PDE4B: variants seen among roughly 807,000 people sequenced by gnomAD.
PDE4B encodes the protein phosphodiesterase 4B.
A neutral mutation model predicts 82.2 loss-of-function variants in PDE4B; 20 were observed. The ratio of observed to expected loss-of-function variants is 0.24; its 90% confidence interval spans 0.17 to 0.35. The LOEUF (loss-of-function observed/expected upper bound fraction) is 0.35. PDE4B is among the 10% of genes least tolerant of loss of function. The pLI is 1.00. For synonymous variants in PDE4B, 320 were observed against 318.9 expected, an observed-to-expected ratio of 1.00 and a Z score of -0.04; for missense variants, 655 against 907.2, an observed-to-expected ratio of 0.72 and a Z score of 3.57.
At chr1:66,259,775 A>C (rs530567615) in intron 6 of PDE4B, among the ~76,000 whole-genome samples, 13 of 152,348 alleles carry the variant, frequency 8.5e-5, no homozygotes, top group African/African-American at 3.1e-4. Context: ...TGAACTTCTG[A>C]ATAAATAATT....
chr1:66,203,872 T>C (rs1430295222), intron 3 of PDE4B, among the ~76,000 whole-genome samples: 1 of 152,248 alleles, frequency 6.6e-6, no homozygotes, highest in East Asian at 1.9e-4. Context: ...CCGTCCAGCT[T>C]TGTTCCATTA....
intron 3 of PDE4B, among the ~76,000 whole-genome samples, chr1:66,237,797 C>A (rs183068224): frequency 2.6e-4 from 40 of 152,148 alleles, no homozygotes; most frequent in African/African-American, 7.7e-4. Flanking sequence ...GTGTTTAATG[C>A]GCTCACACAG....
In PDE4B at chr1:66,354,784, T is replaced by C; in HGVS notation, c.748-743T>C. ...GCTTTCCTGATCCTTTCGGGATTGCTCTCTCAGAACTGTGAATTCTTTCAA... is the reference window on the plus strand; with the variant it reads ...GCTTTCCTGATCCTTTCGGGATTGCCCTCTCAGAACTGTGAATTCTTTCAA... On this transcript the variant is annotated intron_variant, in intron 8 of 16. Transcript: ENST00000341517. The C allele has an allele frequency of 3.9e-6, 6 of 1,533,524 alleles. 1 individual carries two copies. The Middle Eastern group carries it at 5.0e-4, about 128-fold the overall frequency. The allele number at this position is 1,533,524 out of a possible 1,614,324, so 95.0% of individuals were successfully genotyped here. A position where few individuals can be genotyped will look rare whatever the true frequency, so the allele number is the denominator to read the frequency against.
At chr1:65,856,166 T>C (rs1646390251) in intron 1 of PDE4B, among the ~76,000 whole-genome samples, 1 of 152,184 alleles carries the variant, frequency 6.6e-6, no homozygotes, top group Admixed American at 6.6e-5. Flanking sequence ...CTGGTGAACA[T>C]GCAATCAATG....
intron 3 of PDE4B, among the ~76,000 whole-genome samples, chr1:66,098,391 T>C (rs774963359): frequency 1.3e-5 from 2 of 152,186 alleles, no homozygotes; most frequent in African/African-American, 4.8e-5. Context: ...TGGACGTTCA[T>C]TGAACTCACC....
chr1:65,813,916 A>G (rs371245448), intron 1 of PDE4B, among the ~76,000 whole-genome samples: 1 of 150,658 alleles, frequency 6.6e-6, no homozygotes, highest in Non-Finnish European at 1.5e-5. Context: ...AAAAAAAACA[A>G]CAGTTGAGAG....
chr1:65,941,897 C>T (rs1451239340), intron 3 of PDE4B, among the ~76,000 whole-genome samples: 2 of 151,848 alleles, frequency 1.3e-5, no homozygotes, highest in Non-Finnish European at 2.9e-5. Context: ...CCTCAATCCA[C>T]AATCTCTCCA....
At position 66,247,598 on chromosome 1, in the gene PDE4B, C is replaced by T. The variant is rs139030347; in HGVS notation, c.420C>T (p.Ser140=). 30 of 1,606,630 alleles carry T rather than the reference C, an allele frequency of 1.9e-5. No homozygotes were observed. The highest frequency in any genetic ancestry group is 6.8e-5 in the Admixed American group (4 of 58,752). Residue 140 remains serine, a synonymous_variant, in exon 4 of 17, where the codon AGC becomes AGT. Transcript: ENST00000341517. ...AGTCATTTCTCTACAGATCAGACAG[C>T]GACTATGACTTGTCACCAAAGGCGA... ...RRESFLYRSD[S]DYDLSPKAMS...
intron 7 of PDE4B, among the ~76,000 whole-genome samples, chr1:66,273,466 A>G (rs1201955692): frequency 1.3e-5 from 2 of 152,264 alleles, no homozygotes; most frequent in African/African-American, 2.4e-5. Flanking sequence ...CCTGATATAT[A>G]CTATGTGCAT....
chr1:66,189,919 A>G (rs1647603179), intron 3 of PDE4B, among the ~76,000 whole-genome samples: 1 of 152,120 alleles, frequency 6.6e-6, no homozygotes, highest in South Asian at 2.1e-4. Context: ...TCTGCTTTTT[A>G]GAGTTTCCAG....
At chr1:66,294,346 A>G (rs1364232832) in intron 7 of PDE4B, among the ~76,000 whole-genome samples, 2 of 152,180 alleles carry the variant, frequency 1.3e-5, no homozygotes, top group African/African-American at 2.4e-5. Context: ...GTCATTTCTA[A>G]TATCAACTTC....
intron 3 of PDE4B, among the ~76,000 whole-genome samples, chr1:66,244,593 G>A (rs907340782): frequency 1.3e-5 from 2 of 152,040 alleles, no homozygotes; most frequent in Admixed American, 6.6e-5. Flanking sequence ...ATGTCTGCCC[G>A]CTAATTTTGC....
intron 3 of PDE4B, among the ~76,000 whole-genome samples, chr1:66,011,305 GA>G (rs1283846494): frequency 6.6e-6 from 1 of 151,226 alleles, no homozygotes; most frequent in Non-Finnish European, 1.5e-5. Context: ...AACATTGTAG[GA>G]CAGTAATAAG....
chr1:65,864,744 C>T (rs867960557), intron 1 of PDE4B, among the ~76,000 whole-genome samples: 1 of 152,166 alleles, frequency 6.6e-6, no homozygotes, highest in African/African-American at 2.4e-5. Flanking sequence ...GAAGCTTCAT[C>T]CCAGAGGGGC....
At chr1:66,307,771 G>A (rs1658384592) in intron 7 of PDE4B, among the ~76,000 whole-genome samples, 1 of 152,040 alleles carries the variant, frequency 6.6e-6, no homozygotes. Flanking sequence ...GTGGTGGTGA[G>A]TACCGGTTTT....
chr1:66,338,961 G>A (rs1660744415), intron 8 of PDE4B, among the ~76,000 whole-genome samples: 1 of 149,438 alleles, frequency 6.7e-6, no homozygotes, highest in Non-Finnish European at 1.5e-5. Flanking sequence ...GGAGCTTGCA[G>A]TGAGCCGAGA....
At chr1:66,057,632 C>T (rs1311986553) in intron 3 of PDE4B, among the ~76,000 whole-genome samples, 4 of 152,160 alleles carry the variant, frequency 2.6e-5, no homozygotes, top group African/African-American at 9.7e-5. Context: ...GAGCAAGTCA[C>T]GTCTTACATG....
chr1:65,894,254 C>T (rs557029531), intron 1 of PDE4B, among the ~76,000 whole-genome samples: 67 of 152,114 alleles, frequency 4.4e-4, no homozygotes, highest in African/African-American at 1.6e-3. Context: ...AGAAATAATT[C>T]CATGCCTATA....
chr1:65,987,677 A>C (rs1404286744), intron 3 of PDE4B, among the ~76,000 whole-genome samples: 1 of 152,122 alleles, frequency 6.6e-6, no homozygotes, highest in African/African-American at 2.4e-5. Flanking sequence ...CAATGGCACA[A>C]TCTCTGCTCA....
Sources: allele counts gnomAD v4.1 joint callset (sites outside exome capture counted in the v4.1 genomes callset), GRCh38; gene constraint gnomAD v4.1.1; transcripts MANE v1.5; gene names NCBI Gene and HGNC (gene_info 2026-07-23, HGNC 2026-07-21).